Variants in TUBB8 observed in about 807,000 individuals in gnomAD.
TUBB8 encodes tubulin beta 8 class VIII.
TUBB8 carries 25 observed loss-of-function variants against 33.7 expected under a neutral mutation model. The observed-to-expected ratio is 0.74, with a 90% confidence interval of 0.54 to 1.04. TUBB8 has a LOEUF of 1.04. TUBB8 is among the 50% of genes least tolerant of loss of function. The pLI is 0.00. For missense variants in TUBB8, 279 were observed against 608.0 expected (o/e 0.46, Z 5.69); for synonymous variants, 245 against 240.1 (o/e 1.02, Z -0.19).
At chr10:50,264 AAGAATCC>A (rs1389717318), upstream of TUBB8, 2 of 152,196 alleles carry the variant, frequency 1.3e-5, no homozygotes, top group East Asian at 3.8e-4. Flanking sequence ...AACAGAAACA[AAGAATCC>A]CTTCTAGGGT....
intron 1 of TUBB8, among the ~76,000 whole-genome samples, chr10:68,393 C>T (rs1554741920): frequency 6.6e-6 from 1 of 152,130 alleles, no homozygotes; most frequent in East Asian, 1.9e-4. Context: ...TGATATGACG[C>T]CCACAATACT....
rs180860104 is a variant in TUBB8, at chr10:59,659, C to T, written c.-845-9426G>A. Reference sequence around the variant, plus strand: ...TTGCATCAATATTCTCAAATATGGGCCTGCAGTTTGCTTTTTAAATGTGTC... The same window carrying T: ...TTGCATCAATATTCTCAAATATGGGTCTGCAGTTTGCTTTTTAAATGTGTC... On this transcript the variant is annotated intron_variant, in intron 1 of 3. Coordinates refer to the TUBB8 transcript ENST00000564130. Among the ~76,000 whole-genome samples, 840 of 152,274 alleles carry T rather than the reference C, an allele frequency of 5.5e-3. 5 individuals carry two copies. The highest frequency in any genetic ancestry group is 0.019 in the African/African-American group (802 of 41,558).
chr10:66,217 C>T (rs1486834973), intron 1 of TUBB8, among the ~76,000 whole-genome samples: 50 of 152,246 alleles, frequency 3.3e-4, no homozygotes, highest in African/African-American at 1.2e-3. Flanking sequence ...ATCACAGGAG[C>T]TATCTTATGT....
chr10:48,474 G>T, intron 3 of TUBB8, 141 bp downstream of exon 3: 2 of 820,002 alleles, frequency 2.4e-6, no homozygotes, highest in South Asian at 2.9e-5. Flanking sequence ...AGGAGAGGCA[G>T]ATTGAGCGAC....
upstream of TUBB8, among the ~76,000 whole-genome samples, chr10:76,430 G>A (rs188137706): frequency 4.0e-4 from 61 of 152,126 alleles, no homozygotes; most frequent in Non-Finnish European, 7.3e-4. Flanking sequence ...CGCTCGCTCC[G>A]CTGCACTCAC....
upstream of TUBB8, among the ~76,000 whole-genome samples, chr10:51,710 T>G (rs1416687565): frequency 7.6e-6 from 1 of 132,286 alleles, no homozygotes; most frequent in African/African-American, 2.5e-5. Context: ...CAATAAGTCC[T>G]GACACTTTCA....
In TUBB8 at chr10:48,759, G is replaced by T. The variant is rs184814290; in HGVS notation, c.167-34C>A. ...GGCGGGAGGGCATGAGCGAGGGGAG[G>T]GCCGCGTTCCCAGGAGGGCGGTGGG... is the stretch of plus-strand genomic sequence containing the variant. On this transcript the variant is annotated intron_variant, in intron 2 of 3. Coordinates refer to ENST00000568584, the MANE Select transcript of TUBB8 (RefSeq NM_177987.3). 539 of 1,607,002 alleles carry T rather than the reference G, an allele frequency of 3.4e-4. 1 individual carries two copies. In the African/African-American group the frequency reaches 6.4e-3, roughly 19 times the overall value.
intron 2 of TUBB8, 37 bp from the exon 3 acceptor site, chr10:48,762 C>G: frequency 6.2e-7 from 1 of 1,607,370 alleles, no homozygotes; most frequent in Non-Finnish European, 8.5e-7. Context: ...AGGGGAGGGC[C>G]GCGTTCCCAG....
intron 1 of TUBB8, among the ~76,000 whole-genome samples, chr10:59,901 A>G (rs1316505211): frequency 6.6e-6 from 1 of 152,070 alleles, no homozygotes; most frequent in African/African-American, 2.4e-5. Flanking sequence ...AGGTTTTCTA[A>G]TTTGTTGGCA....
intron 1 of TUBB8, 128 bp downstream of exon 1, chr10:49,054 C>G (rs1436959056): frequency 7.6e-7 from 1 of 1,321,580 alleles, no homozygotes; most frequent in Non-Finnish European, 1.0e-6. Flanking sequence ...TCGCCAGCCA[C>G]CCGGTTCCAC....
At chr10:73,415 T>C in intron 1 of TUBB8, among the ~76,000 whole-genome samples, 1 of 152,076 alleles carries the variant, frequency 6.6e-6, no homozygotes, top group Non-Finnish European at 1.5e-5. Flanking sequence ...CCGAGGTGGG[T>C]GAATCACCTG....
At chr10:70,805 T>C (rs1390399883) in intron 1 of TUBB8, among the ~76,000 whole-genome samples, 4 of 151,974 alleles carry the variant, frequency 2.6e-5, no homozygotes, top group African/African-American at 9.7e-5. Flanking sequence ...ACTGCGCCAC[T>C]GCACTCCAGC....
chr10:73,196 G>T (rs782788405), intron 1 of TUBB8, among the ~76,000 whole-genome samples: 15,728 of 116,266 alleles, frequency 0.14, no homozygotes, highest in African/African-American at 0.26. Flanking sequence ...ACACAATGGT[G>T]TTTTTGGTTT....
At chr10:65,218 T>A (rs757426932) in intron 1 of TUBB8, among the ~76,000 whole-genome samples, 1 of 152,246 alleles carries the variant, frequency 6.6e-6, no homozygotes, top group Non-Finnish European at 1.5e-5. Flanking sequence ...ACCCTGACTT[T>A]GACCCAGACC....
chr10:61,741 C>T (rs1834604609), intron 1 of TUBB8, among the ~76,000 whole-genome samples: 1 of 152,202 alleles, frequency 6.6e-6, no homozygotes, highest in Non-Finnish European at 1.5e-5. Context: ...CTTTCTTTAG[C>T]TCTTATAGTA....
At chr10:51,604 C>T (rs1219115701), upstream of TUBB8, among the ~76,000 whole-genome samples, 7 of 152,292 alleles carry the variant, frequency 4.6e-5, no homozygotes, top group African/African-American at 1.7e-4. Context: ...AGCCTGTATG[C>T]CAGAAAGACT....
chr10:68,853 G>T (rs1386626835), intron 1 of TUBB8, among the ~76,000 whole-genome samples: 1 of 152,182 alleles, frequency 6.6e-6, no homozygotes, highest in Non-Finnish European at 1.5e-5. Flanking sequence ...TGGGAGAAAG[G>T]GTCTCTTTCC....
At chr10:72,889 A>C (rs1440751295) in intron 1 of TUBB8, among the ~76,000 whole-genome samples, 2 of 151,966 alleles carry the variant, frequency 1.3e-5, no homozygotes, top group Non-Finnish European at 2.9e-5. Context: ...AAAAATAAGA[A>C]AAGACACCGC....
upstream of TUBB8, chr10:49,526 A>T: frequency 1.6e-6 from 1 of 633,340 alleles, no homozygotes; most frequent in Non-Finnish European, 2.9e-6. Flanking sequence ...AGTAAGACTA[A>T]ATCCCTAGCT....
Sources: allele counts gnomAD v4.1 joint callset (sites outside exome capture counted in the v4.1 genomes callset), GRCh38; gene constraint gnomAD v4.1.1; transcripts MANE v1.5; gene names NCBI Gene and HGNC (gene_info 2026-07-23, HGNC 2026-07-21).